SYT9: variants seen among roughly 807,000 people sequenced by gnomAD.
SYT9 encodes the protein synaptotagmin 9, also known as synaptotagmin-9.
A neutral mutation model predicts 48.4 loss-of-function variants in SYT9; 22 were observed. The observed-to-expected ratio is 0.45, with a 90% CI of 0.32 to 0.65. The LOEUF is 0.65. Among genes scored for constraint, SYT9 ranks in the 30% least tolerant of loss-of-function variants. The pLI, the probability that SYT9 is intolerant of heterozygous loss-of-function variation, is 0.03. For missense variants in SYT9, 577 were observed against 622.0 expected (o/e 0.93, Z 0.77); for synonymous variants, 265 against 245.0 (o/e 1.08, Z -0.76).
At chr11:7,372,833 T>C (rs1014082407) in intron 3 of SYT9, among the ~76,000 whole-genome samples, 1 of 152,162 alleles carries the variant, frequency 6.6e-6, no homozygotes, top group African/African-American at 2.4e-5. Context: ...TATTATTTTA[T>C]GGCATAAGCT....
intron 1 of SYT9, among the ~76,000 whole-genome samples, chr11:7,244,242 A>G (rs1847770027): frequency 6.6e-6 from 1 of 152,228 alleles, no homozygotes; most frequent in African/African-American, 2.4e-5. Flanking sequence ...CAACTTTATA[A>G]TTGTCCATCA....
intron 3 of SYT9, among the ~76,000 whole-genome samples, chr11:7,340,203 C>G (rs1849690435): frequency 6.6e-6 from 1 of 152,180 alleles, no homozygotes; most frequent in Non-Finnish European, 1.5e-5. Context: ...TTTTGCAGCT[C>G]TATCAGGTCA....
At chr11:7,320,774 T>C (rs972075477) in intron 3 of SYT9, among the ~76,000 whole-genome samples, 2 of 152,352 alleles carry the variant, frequency 1.3e-5, no homozygotes, top group Admixed American at 6.5e-5. Context: ...ACGGCAATTA[T>C]TGAGTGTAAA....
intron 1 of SYT9, among the ~76,000 whole-genome samples, chr11:7,288,462 C>G (rs1166999189): frequency 1.3e-5 from 2 of 152,110 alleles, no homozygotes. Context: ...AACTTCATGC[C>G]CTTTTGGGCC....
chr11:7,455,508 ATT>A (rs111963518), intron 6 of SYT9, among the ~76,000 whole-genome samples: 49 of 145,090 alleles, frequency 3.4e-4, no homozygotes, highest in African/African-American at 1.1e-3. Flanking sequence ...TAATTTTTGT[ATT>A]TTTTTTTTTT....
intron 6 of SYT9, among the ~76,000 whole-genome samples, chr11:7,445,950 G>A (rs1462074142): frequency 2.0e-5 from 3 of 152,198 alleles, no homozygotes; most frequent in East Asian, 1.9e-4. Context: ...TACACGGTAC[G>A]TGGCTCCTGT....
intron 6 of SYT9, among the ~76,000 whole-genome samples, chr11:7,420,970 T>A (rs1847344552): frequency 6.6e-6 from 1 of 152,188 alleles, no homozygotes; most frequent in Non-Finnish European, 1.5e-5. Context: ...CAGGCCTTCG[T>A]ACAGTGACTT....
intron 6 of SYT9, among the ~76,000 whole-genome samples, chr11:7,430,273 C>T (rs1847545778): frequency 1.3e-5 from 2 of 151,966 alleles, no homozygotes; most frequent in African/African-American, 4.8e-5. Context: ...TATTGATAAT[C>T]AAAATGCTTG....
chr11:7,333,198 T>C (rs535647379), intron 3 of SYT9, among the ~76,000 whole-genome samples: 1 of 152,094 alleles, frequency 6.6e-6, no homozygotes, highest in East Asian at 1.9e-4. Context: ...TAAATAAACA[T>C]AGTGGGGGAG....
At chr11:7,330,237 T>C (rs1339307812) in intron 3 of SYT9, among the ~76,000 whole-genome samples, 1 of 152,258 alleles carries the variant, frequency 6.6e-6, no homozygotes, top group East Asian at 1.9e-4. Context: ...GTGTGCATAA[T>C]ATACACACAA....
chr11:7,410,104 A>G lies in SYT9; in HGVS notation c.1045-5938A>G, dbSNP rs373583504. 1.9e-4 allele frequency among the ~76,000 whole-genome samples: 29 copies of G among 152,308 alleles called. No individual in the cohort carries two copies. The East Asian group carries it at 5.0e-3, about 26-fold the overall frequency. ...TTCATCTTAATTTCTTAATTGACCCAGTGGTCATTCAGAAGCATGTTTTTT... is the reference window on the plus strand; with the variant it reads ...TTCATCTTAATTTCTTAATTGACCCGGTGGTCATTCAGAAGCATGTTTTTT... On this transcript the variant is annotated intron_variant, in intron 3 of 6. Coordinates refer to ENST00000318881, the MANE Select transcript of SYT9 (RefSeq NM_175733.4).
intron 1 of SYT9, among the ~76,000 whole-genome samples, chr11:7,296,481 A>G (rs552650788): frequency 2.6e-5 from 4 of 152,224 alleles, no homozygotes; most frequent in Non-Finnish European, 5.9e-5. Context: ...TGAGGTGTGT[A>G]TGGATCTAAG....
In SYT9 at chr11:7,281,346, C is replaced by T. The variant is rs529508965; in HGVS notation, c.146-21693C>T. The stretch of plus-strand genomic sequence containing the variant: ...TTATGACTCATACTCTTTGCCAGCT[C>T]TGTGTTTTGCATCAGTAGATATTCT... On this transcript the variant is annotated intron_variant, in intron 1 of 6. Transcript: ENST00000318881. Among the ~76,000 whole-genome samples, 23 of 152,326 alleles carry T rather than the reference C, an allele frequency of 1.5e-4. No individual in the cohort carries two copies. In the South Asian group the frequency reaches 4.6e-3, roughly 30 times the overall value.
At chr11:7,375,778 T>A (rs1409248098) in intron 3 of SYT9, among the ~76,000 whole-genome samples, 6 of 152,164 alleles carry the variant, frequency 3.9e-5, no homozygotes, top group Non-Finnish European at 5.9e-5. Flanking sequence ...TCCTGAGACT[T>A]TGCTGAAGTT....
At chr11:7,288,700 T>C (rs182323367) in intron 1 of SYT9, among the ~76,000 whole-genome samples, 1 of 152,374 alleles carries the variant, frequency 6.6e-6, no homozygotes, top group East Asian at 1.9e-4. Context: ...TTGTTCTTAC[T>C]ATTTCTGTCT....
At chr11:7,369,794 A>ACACAAACACACACAC (rs1564879645) in intron 3 of SYT9, among the ~76,000 whole-genome samples, 2 of 143,894 alleles carry the variant, frequency 1.4e-5, no homozygotes, top group Non-Finnish European at 3.0e-5. Context: ...CACACACACA[A>ACACAAACACACACAC]ACACACACAC....
rs535482212 is a variant in SYT9 at position 7,246,204 on chromosome 11, G to T, written c.49+7288G>T. 2.0e-5 allele frequency among the ~76,000 whole-genome samples: 3 copies of T among 152,294 alleles called. No homozygotes were observed. The South Asian group carries it at 6.2e-4, about 32-fold the overall frequency. On this transcript the variant is annotated intron_variant and NMD_transcript_variant, in intron 1 of 8. Coordinates refer to the SYT9 transcript ENST00000524820. ...TGGGTAATACCTGGGCTGAGACTTTGATTCCTTCTGCCACAGTCCCTGCTG... is the reference window on the plus strand; with the variant it reads ...TGGGTAATACCTGGGCTGAGACTTTTATTCCTTCTGCCACAGTCCCTGCTG...
At chr11:7,406,739 G>T (rs1290795120) in intron 3 of SYT9, among the ~76,000 whole-genome samples, 17 of 151,886 alleles carry the variant, frequency 1.1e-4, no homozygotes, top group Admixed American at 1.1e-3. Context: ...TCATATGGTA[G>T]TTCTATTTTT....
intron 6 of SYT9, chr11:7,441,302 A>G (rs920957639): frequency 2.6e-5 from 4 of 152,248 alleles, no homozygotes; most frequent in South Asian, 2.1e-4. Flanking sequence ...TCAAAGCACT[A>G]GTACAGAGAT....
Sources: gnomAD v4.1 joint callset for allele counts (sites outside exome capture counted in the v4.1 genomes callset) on GRCh38, gnomAD v4.1.1 for gene constraint, MANE v1.5 for transcripts, NCBI Gene and HGNC (gene_info 2026-07-23, HGNC 2026-07-21) for gene names.